PTGER3: variants seen among roughly 807,000 people sequenced by gnomAD.
PTGER3 encodes the protein prostaglandin E receptor 3, also known as prostaglandin E2 receptor EP3 subtype.
Under a neutral mutation model 34.7 loss-of-function variants are expected in PTGER3, and 22 were observed. The observed-to-expected ratio is 0.63, with a 90% CI of 0.45 to 0.91. The LOEUF is 0.91. Ranked by LOEUF, PTGER3 falls within the 40% of genes least tolerant of loss-of-function variation. The pLI is 0.00. For synonymous variants in PTGER3, 241 were observed against 230.1 expected (o/e 1.05, Z -0.43); for missense variants, 468 against 519.4 (o/e 0.90, Z 0.96).
chr1:70,857,945 A>G (rs1247506318), intron 4 of PTGER3, among the ~76,000 whole-genome samples: 2 of 152,222 alleles, frequency 1.3e-5, no homozygotes, highest in Admixed American at 1.3e-4. Flanking sequence ...TTTACTGGGA[A>G]TAATTTCTGC....
intron 1 of PTGER3, among the ~76,000 whole-genome samples, chr1:71,029,959 T>C (rs893776338): frequency 2.3e-5 from 3 of 131,426 alleles, no homozygotes; most frequent in South Asian, 2.5e-4. Context: ...ATAATAATAA[T>C]AACAAAATAA....
intron 2 of PTGER3, chr1:71,010,464 G>T (rs1657341400): frequency 1.0e-6 from 1 of 983,434 alleles, no homozygotes; most frequent in Non-Finnish European, 1.2e-6. Flanking sequence ...TATTCCAGGT[G>T]CTATACTAGA....
At chr1:71,003,122 A>C (rs1321734828) in intron 2 of PTGER3, among the ~76,000 whole-genome samples, 1 of 152,194 alleles carries the variant, frequency 6.6e-6, no homozygotes, top group African/African-American at 2.4e-5. Flanking sequence ...CAAACCATAA[A>C]CATCAGTAAG....
At chr1:70,995,722 AC>A (rs1362524372) in intron 2 of PTGER3, among the ~76,000 whole-genome samples, 1 of 152,134 alleles carries the variant, frequency 6.6e-6, no homozygotes, top group African/African-American at 2.4e-5. Context: ...ATCAAATAAA[AC>A]TACAGATGGT....
chr1:70,952,959 A>G lies in PTGER3; in HGVS notation c.1205T>C (p.Leu402Pro). The change falls in exon 4 of 4, where the codon CTC becomes CCC. Residue 402 changes from leucine (L) to proline (P), a missense_variant. Transcript: ENST00000356595. ...GGTGTACACATTAATGCTGCTCACGAGTACCTCCATTTCTTCTCTGTTCAG... is the reference window on the plus strand; with the variant it reads ...GGTGTACACATTAATGCTGCTCACGGGTACCTCCATTTCTTCTCTGTTCAG... 1 of 1,613,278 alleles carries G rather than the reference A, an allele frequency of 6.2e-7. No individual in the cohort carries two copies. The highest frequency in any genetic ancestry group is 8.5e-7 in the Non-Finnish European group (1 of 1,179,448).
chr1:71,025,788 T>C (rs999047834), intron 1 of PTGER3, among the ~76,000 whole-genome samples: 1 of 152,206 alleles, frequency 6.6e-6, no homozygotes, highest in Non-Finnish European at 1.5e-5. Flanking sequence ...TGCAACTTTT[T>C]CCCTTCACAA....
chr1:71,026,942 A>G (rs992870658), intron 1 of PTGER3, among the ~76,000 whole-genome samples: 2 of 152,150 alleles, frequency 1.3e-5, no homozygotes, highest in Non-Finnish European at 2.9e-5. Flanking sequence ...CCTAACTCCT[A>G]TGAGGATCAC....
chr1:71,039,667 A>G (rs1333042752), intron 1 of PTGER3, among the ~76,000 whole-genome samples: 2 of 151,226 alleles, frequency 1.3e-5, no homozygotes, highest in Non-Finnish European at 2.9e-5. Flanking sequence ...AAAAAAAAAA[A>G]AAAGAAAAAA....
At chr1:71,040,123 AAG>A (rs1660182682) in intron 1 of PTGER3, among the ~76,000 whole-genome samples, 1 of 151,838 alleles carries the variant, frequency 6.6e-6, no homozygotes, top group African/African-American at 2.4e-5. Flanking sequence ...AAAGAAAAAA[AAG>A]AAAGAGAAAG....
chr1:70,996,627 A>AT (rs1219160375), intron 2 of PTGER3, among the ~76,000 whole-genome samples: 7 of 69,346 alleles, frequency 1.0e-4, no homozygotes, highest in Non-Finnish European at 1.4e-4. Flanking sequence ...TGCCCGGCTA[A>AT]TTTTTTTGTA....
At chr1:70,967,470 TA>T (rs575193432), downstream of PTGER3, among the ~76,000 whole-genome samples, 3 of 151,782 alleles carry the variant, frequency 2.0e-5, no homozygotes, top group African/African-American at 7.3e-5. Context: ...TACCTTAAAG[TA>T]AAAAAAATTC....
intron 4 of PTGER3, among the ~76,000 whole-genome samples, chr1:70,867,462 T>C (rs1646066960): frequency 6.6e-6 from 1 of 152,216 alleles, no homozygotes; most frequent in African/African-American, 2.4e-5. Flanking sequence ...GGCTCACACC[T>C]GTAATCCCAG....
At chr1:71,007,722 G>C (rs1354404443) in intron 2 of PTGER3, 1 of 985,050 alleles carries the variant, frequency 1.0e-6, no homozygotes, top group Non-Finnish European at 1.2e-6. Flanking sequence ...ATGGAAAACT[G>C]TATGAGAAAT....
intron 4 of PTGER3, among the ~76,000 whole-genome samples, chr1:70,924,102 G>C (rs1357252648): frequency 8.5e-5 from 13 of 152,052 alleles, no homozygotes; most frequent in Non-Finnish European, 1.9e-4. Context: ...ACCTCAAAAA[G>C]AGAGGAATTT....
At chr1:70,869,805 C>A (rs74086973) in intron 4 of PTGER3, among the ~76,000 whole-genome samples, 6,091 of 152,252 alleles carry the variant, frequency 0.04, 412 homozygotes, top group East Asian at 0.2. Flanking sequence ...CAGCTCTGGC[C>A]TGTAGCTTCG....
At chr1:71,045,788 C>T (rs1660719220) in intron 1 of PTGER3, among the ~76,000 whole-genome samples, 2 of 152,054 alleles carry the variant, frequency 1.3e-5, no homozygotes, top group South Asian at 4.1e-4. Flanking sequence ...CCGGATCCCA[C>T]TGACTGTCGT....
chr1:70,969,969 A>G (rs575601055), downstream of PTGER3, among the ~76,000 whole-genome samples: 1 of 152,164 alleles, frequency 6.6e-6, no homozygotes, highest in Non-Finnish European at 1.5e-5. Context: ...TTGAGATGCA[A>G]TTAACTTTCT....
chr1:70,979,493 G>A (rs998938922), intron 2 of PTGER3, among the ~76,000 whole-genome samples: 3 of 52,128 alleles, frequency 5.8e-5, no homozygotes, highest in African/African-American at 2.0e-4. Context: ...GAGGAAATGG[G>A]TACAGCTGCA....
intron 1 of PTGER3, among the ~76,000 whole-genome samples, chr1:71,027,658 T>C (rs1045011712): frequency 5.3e-5 from 8 of 152,196 alleles, no homozygotes; most frequent in Non-Finnish European, 7.3e-5. Flanking sequence ...TGCAGTACTA[T>C]CCAAGAGAAA....
Sources: gnomAD v4.1 joint callset for allele counts (sites outside exome capture counted in the v4.1 genomes callset) on GRCh38, gnomAD v4.1.1 for gene constraint, MANE v1.5 for transcripts, NCBI Gene and HGNC (gene_info 2026-07-23, HGNC 2026-07-21) for gene names.